ANKRD42: variants seen among roughly 807,000 people sequenced by gnomAD.
ANKRD42 encodes ankyrin repeat domain-containing protein 42.
ANKRD42 carries 43 observed loss-of-function variants against 51.5 expected under a neutral mutation model. The observed-to-expected ratio is 0.83, with a 90% CI of 0.65 to 1.08. The LOEUF (loss-of-function observed/expected upper bound fraction) is 1.08, where lower values mean the gene tolerates loss of function less well. Ranked by LOEUF, ANKRD42 falls within the 50% of genes least tolerant of loss-of-function variation. The pLI, the probability that ANKRD42 is intolerant of heterozygous loss-of-function variation, is 0.00. For missense variants in ANKRD42, 608 were observed against 629.3 expected (o/e 0.97, Z 0.36); for synonymous variants, 203 against 213.0 (o/e 0.95, Z 0.41).
intron 6 of ANKRD42, among the ~76,000 whole-genome samples, chr11:83,226,999 C>T (rs1213746114): frequency 1.3e-5 from 2 of 152,076 alleles, no homozygotes; most frequent in Non-Finnish European, 2.9e-5. Flanking sequence ...GGTCCTGGAA[C>T]CCTTAGGATT....
At chr11:83,236,737 G>A (rs994336334) in intron 8 of ANKRD42, among the ~76,000 whole-genome samples, 1 of 152,160 alleles carries the variant, frequency 6.6e-6, no homozygotes, top group African/African-American at 2.4e-5. Context: ...CCTCATGGGA[G>A]GGGTCTTTGG....
chr11:83,226,015 C>T (rs185326006), intron 6 of ANKRD42, among the ~76,000 whole-genome samples: 37 of 152,228 alleles, frequency 2.4e-4, no homozygotes, highest in African/African-American at 7.0e-4. Flanking sequence ...CCAGCCTCCC[C>T]GCAAAGCACT....
chr11:83,196,930 G>T (rs768200677), intron 1 of ANKRD42, among the ~76,000 whole-genome samples: 19 of 152,206 alleles, frequency 1.2e-4, no homozygotes, highest in Non-Finnish European at 2.1e-4. Flanking sequence ...GAAGTGATTA[G>T]GATAGTTGGT....
At chr11:83,227,689 G>T in intron 6 of ANKRD42, 58 bp from the exon 7 acceptor site, 1 of 1,541,980 alleles carries the variant, frequency 6.5e-7, no homozygotes, top group South Asian at 1.3e-5. Flanking sequence ...GACAGCTTAA[G>T]ACAGGGAAAA....
chr11:83,202,277 T>A (rs1377452269), intron 2 of ANKRD42, among the ~76,000 whole-genome samples: 1 of 152,172 alleles, frequency 6.6e-6, no homozygotes, highest in Non-Finnish European at 1.5e-5. Flanking sequence ...AAAGTCAGAT[T>A]TGTTGAAGAT....
At chr11:83,219,897 G>C (rs1862662962) in intron 5 of ANKRD42, among the ~76,000 whole-genome samples, 1 of 152,176 alleles carries the variant, frequency 6.6e-6, no homozygotes, top group Non-Finnish European at 1.5e-5. Context: ...CCTAAACCCT[G>C]GAGGGCACCA....
At chr11:83,245,421 C>T in intron 9 of ANKRD42, 77 bp from the exon 10 acceptor site, 1 of 1,450,860 alleles carries the variant, frequency 6.9e-7, no homozygotes, top group South Asian at 1.3e-5. Context: ...GAAGAATATG[C>T]TCAAGAATAC....
chr11:83,213,186 GA>G, intron 5 of ANKRD42: 1 of 1,600,906 alleles, frequency 6.2e-7, no homozygotes, highest in Non-Finnish European at 8.5e-7. Context: ...TTGGTTGTGG[GA>G]GCGACAAAAA....
At chr11:83,225,965 G>A (rs1368030083) in intron 6 of ANKRD42, among the ~76,000 whole-genome samples, 2 of 151,926 alleles carry the variant, frequency 1.3e-5, no homozygotes, top group African/African-American at 4.8e-5. Context: ...ATGTTTCCCA[G>A]GCTGGTCTCA....
chr11:83,246,452 A>T (rs770065350), intron 10 of ANKRD42, among the ~76,000 whole-genome samples: 17 of 152,170 alleles, frequency 1.1e-4, no homozygotes, highest in Non-Finnish European at 2.2e-4. Context: ...CTGAGAGACT[A>T]CTGTAGTTAA....
intron 5 of ANKRD42, among the ~76,000 whole-genome samples, chr11:83,220,955 A>G (rs1488104377): frequency 6.6e-6 from 1 of 152,134 alleles, no homozygotes; most frequent in African/African-American, 2.4e-5. Context: ...GTTTTCTGTT[A>G]TTATTTCTTT....
intron 9 of ANKRD42, among the ~76,000 whole-genome samples, chr11:83,241,859 A>G (rs1050026476): frequency 1.3e-5 from 2 of 152,192 alleles, no homozygotes; most frequent in Non-Finnish European, 2.9e-5. Context: ...GGTGGAAAAG[A>G]GCATAGCATT....
intron 7 of ANKRD42, 110 bp downstream of exon 7, chr11:83,227,982 C>G: frequency 7.9e-7 from 1 of 1,265,298 alleles, no homozygotes; most frequent in Non-Finnish European, 1.1e-6. Context: ...TTTTCTGATA[C>G]CCTAGCAGAT....
At chr11:83,224,004 A>G (rs1027692800) in intron 5 of ANKRD42, among the ~76,000 whole-genome samples, 2 of 148,420 alleles carry the variant, frequency 1.3e-5, no homozygotes, top group African/African-American at 5.0e-5. Context: ...CTCATCCAAT[A>G]TACTTTCTTT....
In ANKRD42 at chr11:83,209,420, T is replaced by C. The variant is rs527840206; in HGVS notation, c.331-880T>C. On this transcript the variant is annotated intron_variant, in intron 3 of 10. Transcript: ENST00000533342. The stretch of plus-strand genomic sequence containing the variant: ...GATCATGTCGCACAAACAAATTTAC[T>C]ATTCAGACAAATACGACGACGAGGA... The C allele has an allele frequency of 8.8e-6, 14 of 1,589,584 alleles. No homozygotes were observed. In the African/African-American group the frequency reaches 1.5e-4, roughly 17 times the overall value.
At chr11:83,211,900 A>G (rs1365203078) in intron 5 of ANKRD42, among the ~76,000 whole-genome samples, 7 of 152,096 alleles carry the variant, frequency 4.6e-5, no homozygotes, top group Admixed American at 4.6e-4. Flanking sequence ...ATCTTACATC[A>G]CACCCATCTT....
At chr11:83,238,492 C>T (rs667065) in intron 8 of ANKRD42, among the ~76,000 whole-genome samples, 49,055 of 151,912 alleles carry the variant, frequency 0.32, 8,602 homozygotes, top group South Asian at 0.41. Flanking sequence ...GTGAAGAGTT[C>T]GAGACCAGTC....
intron 6 of ANKRD42, among the ~76,000 whole-genome samples, chr11:83,226,799 CTAAACAA>C (rs1862900454): frequency 1.3e-5 from 1 of 75,648 alleles, no homozygotes; most frequent in Non-Finnish European, 2.7e-5. Context: ...GACCCTGCCT[CTAAACAA>C]AACAAAACAA....
At chr11:83,208,980 A>G (rs1396749830) in intron 3 of ANKRD42, among the ~76,000 whole-genome samples, 3 of 152,170 alleles carry the variant, frequency 2.0e-5, no homozygotes, top group African/African-American at 4.8e-5. Context: ...ATTACTCTGG[A>G]TATGGTATAA....
Sources: allele counts gnomAD v4.1 joint callset (sites outside exome capture counted in the v4.1 genomes callset), GRCh38; gene constraint gnomAD v4.1.1; transcripts MANE v1.5; gene names NCBI Gene and HGNC (gene_info 2026-07-23, HGNC 2026-07-21).